Variants in LINGO2 observed in about 807,000 individuals in gnomAD.
LINGO2 encodes leucine-rich repeat and immunoglobulin-like domain-containing nogo receptor-interacting protein 2.
In LINGO2, 14 loss-of-function variants were observed where a neutral mutation model predicts 30.6. The observed-to-expected ratio is 0.46, with a 90% confidence interval of 0.30 to 0.72. The LOEUF is 0.72. Among genes scored for constraint, LINGO2 ranks in the 30% least tolerant of loss-of-function variants. The probability of loss-of-function intolerance (pLI) is 0.07; values close to 1 mark genes in which losing one functional copy is unlikely to be tolerated. For synonymous variants in LINGO2, 317 were observed against 288.5 expected, an observed-to-expected ratio of 1.10 and a Z score of -1.00; for missense variants, 729 against 751.7, an observed-to-expected ratio of 0.97 and a Z score of 0.35.
At chr9:28,374,580 T>TAA (rs1821047274) in intron 2 of LINGO2, among the ~76,000 whole-genome samples, 1 of 152,140 alleles carries the variant, frequency 6.6e-6, no homozygotes, top group African/African-American at 2.4e-5. Context: ...GCCTTCTTTC[T>TAA]AGCTTGCCAG....
chr9:28,508,797 G>T (rs1820254232), intron 1 of LINGO2, among the ~76,000 whole-genome samples: 1 of 151,984 alleles, frequency 6.6e-6, no homozygotes, highest in African/African-American at 2.4e-5. Flanking sequence ...ACAGTTAACA[G>T]ACAGAAACAA....
chr9:28,185,964 G>T (rs954330582), intron 4 of LINGO2, among the ~76,000 whole-genome samples: 3 of 152,076 alleles, frequency 2.0e-5, no homozygotes, highest in African/African-American at 7.2e-5. Context: ...AAAAAATCTT[G>T]TCTAGGTGGA....
chr9:28,701,006 A>G, the LINGO2 span, among the ~76,000 whole-genome samples: 3 of 151,564 alleles, frequency 2.0e-5, no homozygotes. Flanking sequence ...TTGGGTTGTT[A>G]ATTCTTTTAC....
intron 5 of LINGO2, among the ~76,000 whole-genome samples, chr9:28,000,822 T>A (rs1336459979): frequency 6.6e-6 from 1 of 152,186 alleles, no homozygotes; most frequent in Non-Finnish European, 1.5e-5. Flanking sequence ...GATAGAAACT[T>A]TATCCAGACT....
intron 1 of LINGO2, among the ~76,000 whole-genome samples, chr9:28,649,971 G>T (rs1211569047): frequency 6.6e-6 from 1 of 151,780 alleles, no homozygotes; most frequent in East Asian, 1.9e-4. Flanking sequence ...TTCCTAGGAT[G>T]AGCCTTACCC....
chr9:29,187,640 G>A, the LINGO2 span, among the ~76,000 whole-genome samples: 7 of 152,146 alleles, frequency 4.6e-5, no homozygotes, highest in African/African-American at 1.2e-4. Flanking sequence ...GTGCTTAAGT[G>A]GGAAATACAT....
chr9:29,202,662 A>T, the LINGO2 span, among the ~76,000 whole-genome samples: 1 of 152,204 alleles, frequency 6.6e-6, no homozygotes, highest in South Asian at 2.1e-4. Context: ...CTGTAATTTG[A>T]AACCATTTAT....
intron 4 of LINGO2, among the ~76,000 whole-genome samples, chr9:28,021,930 A>G (rs2119373865): frequency 6.6e-6 from 1 of 152,158 alleles, no homozygotes; most frequent in Admixed American, 6.5e-5. Flanking sequence ...ATTCACTTTA[A>G]AATGTTCCAT....
At chr9:28,507,685 G>A (rs1286871133) in intron 1 of LINGO2, among the ~76,000 whole-genome samples, 1 of 152,006 alleles carries the variant, frequency 6.6e-6, no homozygotes, top group Non-Finnish European at 1.5e-5. Context: ...TATTTGCTTT[G>A]AAAATAGGTT....
chr9:28,372,329 C>A (rs2134576243), intron 3 of LINGO2, among the ~76,000 whole-genome samples: 1 of 152,248 alleles, frequency 6.6e-6, no homozygotes, highest in South Asian at 2.1e-4. Context: ...CATATTGTTT[C>A]ATATTAACAT....
chr9:28,360,990 G>C (rs1004382283), intron 3 of LINGO2, among the ~76,000 whole-genome samples: 1 of 152,142 alleles, frequency 6.6e-6, no homozygotes, highest in African/African-American at 2.4e-5. Context: ...GTCAACAGCT[G>C]TCCAAAAATA....
chr9:29,091,981 C>T, the LINGO2 span, among the ~76,000 whole-genome samples: 1 of 151,848 alleles, frequency 6.6e-6, no homozygotes, highest in Admixed American at 6.6e-5. Context: ...AATAGATATC[C>T]TAGTTAGTCA....
At chr9:29,138,627 A>AT in the LINGO2 span, among the ~76,000 whole-genome samples, 24,733 of 152,130 alleles carry the variant, frequency 0.16, 2,177 homozygotes, top group East Asian at 0.37. Context: ...GCCATCAGTC[A>AT]TTTGTATGAT....
At chr9:28,730,211 G>T in the LINGO2 span, among the ~76,000 whole-genome samples, 1 of 152,102 alleles carries the variant, frequency 6.6e-6, no homozygotes, top group Non-Finnish European at 1.5e-5. Flanking sequence ...GCATAAGTGA[G>T]ATAAGAAAAT....
chr9:28,569,399 A>G (rs974455919), intron 1 of LINGO2, among the ~76,000 whole-genome samples: 1 of 143,188 alleles, frequency 7.0e-6, no homozygotes, highest in Non-Finnish European at 1.5e-5. Flanking sequence ...ATTCCTAGAC[A>G]TAAACAAATG....
chr9:28,672,995 G>A (rs780932926), upstream of LINGO2, among the ~76,000 whole-genome samples: 1 of 152,224 alleles, frequency 6.6e-6, no homozygotes, highest in East Asian at 1.9e-4. Flanking sequence ...GTATTAAAAG[G>A]AGACTATTTT....
chr9:28,310,423 A>T (rs1026849311), intron 3 of LINGO2, among the ~76,000 whole-genome samples: 3 of 152,192 alleles, frequency 2.0e-5, no homozygotes, highest in Admixed American at 6.5e-5. Flanking sequence ...TGCTGCATGA[A>T]AGAAGCCAGA....
At chr9:28,267,243 T>G (rs931185980) in intron 4 of LINGO2, among the ~76,000 whole-genome samples, 2 of 151,988 alleles carry the variant, frequency 1.3e-5, no homozygotes, top group African/African-American at 4.8e-5. Flanking sequence ...TTAAAGTGTT[T>G]AAATCCATTA....
At chr9:29,195,157 A>G in the LINGO2 span, among the ~76,000 whole-genome samples, 1 of 152,062 alleles carries the variant, frequency 6.6e-6, no homozygotes, top group African/African-American at 2.4e-5. Flanking sequence ...TGTTTTATTC[A>G]GCATAATTCC....
Sources: allele counts gnomAD v4.1 joint callset (sites outside exome capture counted in the v4.1 genomes callset), GRCh38; gene constraint gnomAD v4.1.1; transcripts MANE v1.5; gene names NCBI Gene and HGNC (gene_info 2026-07-23, HGNC 2026-07-21).